Variants in EDDM13 observed in about 807,000 individuals in gnomAD.
EDDM13 encodes epididymal protein 13.
Under a neutral mutation model 17.8 loss-of-function variants are expected in EDDM13, and 24 were observed. The observed-to-expected ratio is 1.35, with a 90% CI of 0.98 to 1.90. The LOEUF is 1.90. Ranked by LOEUF, EDDM13 falls within the 40% of genes most tolerant of loss-of-function variation. EDDM13 has a pLI of 0.00. For synonymous variants in EDDM13, 31 were observed against 37.5 expected, an observed-to-expected ratio of 0.83 and a Z score of 0.63; for missense variants, 97 against 100.8, an observed-to-expected ratio of 0.96 and a Z score of 0.16.
At chr19:56,299,076 CA>C (rs2040063515) in intron 12 of EDDM13, among the ~76,000 whole-genome samples, 1 of 152,056 alleles carries the variant, frequency 6.6e-6, no homozygotes, top group Non-Finnish European at 1.5e-5. Context: ...TAAAAGAAAA[CA>C]AGCACATTAT....
intron 8 of EDDM13, among the ~76,000 whole-genome samples, chr19:56,290,235 T>TA (rs1467651594): frequency 6.6e-6 from 1 of 152,210 alleles, no homozygotes; most frequent in Non-Finnish European, 1.5e-5. Context: ...ACTACTGAGA[T>TA]AAAGTAGGAC....
chr19:56,300,918 G>A (rs969380155), intron 12 of EDDM13, among the ~76,000 whole-genome samples: 1 of 152,216 alleles, frequency 6.6e-6, no homozygotes, highest in African/African-American at 2.4e-5. Flanking sequence ...ATAAGAAAGC[G>A]ACACGGTCGG....
chr19:56,287,499 G>A (rs1193924781), intron 6 of EDDM13, among the ~76,000 whole-genome samples: 1 of 151,738 alleles, frequency 6.6e-6, no homozygotes, highest in Non-Finnish European at 1.5e-5. Context: ...ATCCCCCCAA[G>A]TCCACCTAAC....
intron 2 of EDDM13, among the ~76,000 whole-genome samples, chr19:56,279,571 A>ATG (rs1332552262): frequency 1.3e-5 from 2 of 152,234 alleles, no homozygotes; most frequent in East Asian, 3.8e-4. Context: ...AGTGTCCCAT[A>ATG]TGGGGTCTGA....
chr19:56,288,130 T>C lies in EDDM13; in HGVS notation c.155-255T>C, dbSNP rs2039262536. Among the ~76,000 whole-genome samples the C allele has an allele frequency of 2.6e-5, 4 of 152,178 alleles. No homozygotes were observed. The South Asian group carries it at 8.3e-4, about 31-fold the overall frequency. ...GCCCAAATGGGTCCATGGTGTCCGCTGTTCTTAGGATGAAGGCTGAGGCCC... is the reference window on the plus strand; with the variant it reads ...GCCCAAATGGGTCCATGGTGTCCGCCGTTCTTAGGATGAAGGCTGAGGCCC... On this transcript the variant is annotated intron_variant, in intron 6 of 14. Coordinates refer to ENST00000649256, the MANE Select transcript of EDDM13 (RefSeq NM_001354658.2).
intron 8 of EDDM13, among the ~76,000 whole-genome samples, chr19:56,289,424 G>A (rs2039363460): frequency 6.6e-6 from 1 of 152,182 alleles, no homozygotes; most frequent in South Asian, 2.1e-4. Flanking sequence ...GAAAGATGGT[G>A]GAGCAGTCTC....
intron 6 of EDDM13, among the ~76,000 whole-genome samples, chr19:56,287,257 T>A (rs8103418): frequency 0.44 from 66,931 of 151,996 alleles, 15,629 homozygotes; most frequent in Non-Finnish European, 0.52. Context: ...CCTCCGGGGG[T>A]TCCCCCAAGA....
At chr19:56,287,490 TCCC>T (rs992106647) in intron 6 of EDDM13, among the ~76,000 whole-genome samples, 10 of 151,396 alleles carry the variant, frequency 6.6e-5, no homozygotes, top group African/African-American at 2.2e-4. Flanking sequence ...CCCACTCCCA[TCCC>T]CCCAAGTCCA....
Position 56,272,935 on chromosome 19 carries a change from A to G in EDDM13, c.85+16A>G, listed in dbSNP as rs1267125207. 1.0e-6 allele frequency: 1 copy of G among 973,942 alleles called. No individual in the cohort carries two copies. The highest frequency in any genetic ancestry group is 1.2e-6 in the Non-Finnish European group (1 of 819,434). 60.3% of individuals were successfully genotyped at this position (973,942 alleles called of 1,614,324 possible). On this transcript the variant is annotated intron_variant, in intron 1 of 14. Transcript: ENST00000649256. Reference sequence around the variant, plus strand: ...CCTCGTGAAGGTAATGCTTCCAGCCATGCCTTGTGTCCTCTATGTATTTTC... The same window carrying G: ...CCTCGTGAAGGTAATGCTTCCAGCCGTGCCTTGTGTCCTCTATGTATTTTC...
intron 14 of EDDM13, among the ~76,000 whole-genome samples, chr19:56,309,271 C>A (rs1381266394): frequency 6.6e-6 from 1 of 152,064 alleles, no homozygotes; most frequent in Non-Finnish European, 1.5e-5. Context: ...GACAGAAGGC[C>A]AATTACTAGT....
intron 11 of EDDM13, among the ~76,000 whole-genome samples, 192 bp from the exon 12 acceptor site, chr19:56,297,313 C>G (rs1475534422): frequency 6.6e-6 from 1 of 152,094 alleles, no homozygotes; most frequent in East Asian, 1.9e-4. Context: ...TCTCCACCCA[C>G]TTCATAATTC....
At chr19:56,273,318 C>G (rs535177661) in intron 1 of EDDM13, among the ~76,000 whole-genome samples, 2 of 152,298 alleles carry the variant, frequency 1.3e-5, no homozygotes, top group East Asian at 3.9e-4. Flanking sequence ...AGTGAGACTC[C>G]AGACTTTTGC....
chr19:56,295,453 G>C lies in EDDM13; in HGVS notation c.233-506G>C, dbSNP rs191121095. Among the ~76,000 whole-genome samples the C allele has an allele frequency of 9.2e-5, 14 of 152,082 alleles. 1 individual carries two copies. The East Asian group carries it at 2.7e-3, about 29-fold the overall frequency. On this transcript the variant is annotated intron_variant, in intron 9 of 14. Coordinates refer to ENST00000649256, the MANE Select transcript of EDDM13 (RefSeq NM_001354658.2). ...CTACTAAAAATACAAAAATTAGCCGGGTGTGGTTGCGGGTGCCTGTGCTCC... is the reference window on the plus strand; with the variant it reads ...CTACTAAAAATACAAAAATTAGCCGCGTGTGGTTGCGGGTGCCTGTGCTCC...
At chr19:56,277,951 AAAT>A (rs2038389368) in intron 2 of EDDM13, among the ~76,000 whole-genome samples, 1 of 152,190 alleles carries the variant, frequency 6.6e-6, no homozygotes, top group African/African-American at 2.4e-5. Context: ...ATACTGACAT[AAAT>A]AAAATGTTTT....
chr19:56,282,544 T>C (rs1365794719), intron 4 of EDDM13, 45 bp downstream of exon 4: 6 of 983,744 alleles, frequency 6.1e-6, no homozygotes, highest in Middle Eastern at 5.2e-4. Flanking sequence ...TCTGTTTGCC[T>C]TTGTCCAAAA....
intron 9 of EDDM13, among the ~76,000 whole-genome samples, chr19:56,294,908 C>A (rs1047335502): frequency 6.6e-6 from 1 of 152,162 alleles, no homozygotes; most frequent in Non-Finnish European, 1.5e-5. Context: ...TCTGTCTCTA[C>A]GACATGTCCA....
intron 11 of EDDM13, among the ~76,000 whole-genome samples, chr19:56,297,031 T>TG (rs1447975535): frequency 4.0e-5 from 6 of 151,598 alleles, no homozygotes; most frequent in Admixed American, 2.6e-4. Context: ...ATCATGCCAT[T>TG]GCACTCCAGC....
At chr19:56,296,424 T>C (rs1255788228) in intron 11 of EDDM13, 62 bp downstream of exon 11, 1 of 151,484 alleles carries the variant, frequency 6.6e-6, no homozygotes, top group African/African-American at 2.4e-5. Flanking sequence ...AGGTACTGGT[T>C]TTTTCTATGG....
At chr19:56,292,103 C>T (rs893719645) in intron 9 of EDDM13, among the ~76,000 whole-genome samples, 1 of 152,158 alleles carries the variant, frequency 6.6e-6, no homozygotes, top group Non-Finnish European at 1.5e-5. Flanking sequence ...TGCTTAACCA[C>T]GGTGCTGTGC....
Sources: allele counts gnomAD v4.1 joint callset (sites outside exome capture counted in the v4.1 genomes callset), GRCh38; gene constraint gnomAD v4.1.1; transcripts MANE v1.5; gene names NCBI Gene and HGNC (gene_info 2026-07-23, HGNC 2026-07-21).